The following TAS1R1 variants were observed in gnomAD, a reference collection of about 807,000 sequenced individuals.
TAS1R1 encodes the protein taste receptor type 1 member 1.
Under a neutral mutation model 45.8 loss-of-function variants are expected in TAS1R1, and 31 were observed. The observed-to-expected ratio is 0.68, with a 90% CI of 0.51 to 0.91. The LOEUF is 0.91. Ranked by LOEUF, TAS1R1 falls within the 40% of genes least tolerant of loss-of-function variation. The probability of loss-of-function intolerance (pLI) is 0.00; values close to 1 mark genes in which losing one functional copy is unlikely to be tolerated. For synonymous variants in TAS1R1, 437 were observed against 448.4 expected, an observed-to-expected ratio of 0.97 and a Z score of 0.32; for missense variants, 1,051 against 1,063.9, an observed-to-expected ratio of 0.99 and a Z score of 0.17.
intron 1 of TAS1R1, among the ~76,000 whole-genome samples, chr1:6,558,004 A>G (rs1639714383): frequency 6.6e-6 from 1 of 151,936 alleles, no homozygotes; most frequent in Non-Finnish European, 1.5e-5. Flanking sequence ...GAGAAGCACT[A>G]ATTAAACAAG....
Position 6,578,893 on chromosome 1 carries a change from T to C in TAS1R1, c.1835T>C (p.Leu612Pro), listed in dbSNP as rs758852463. 7 of 1,610,312 alleles carry C rather than the reference T, an allele frequency of 4.3e-6. No individual in the cohort carries two copies. The South Asian group carries it at 5.5e-5, about 13-fold the overall frequency. Residue 612 changes from leucine (L) to proline (P), a missense_variant, in exon 6 of 6, where the codon CTG becomes CCG. By Grantham distance (98) the Leu-to-Pro change is moderately conservative. Coordinates refer to ENST00000333172, the MANE Select transcript of TAS1R1 (RefSeq NM_138697.4). ...GRLCFLMLGS[L>P]AAGSGSLYGF... ...CTGTGCTTTCTTATGCTGGGCTCCC[T>C]GGCAGCAGGTAGTGGCAGCCTCTAT...
In TAS1R1 at chr1:6,565,607, T is replaced by TTTTG. The variant is rs550930455; in HGVS notation, c.192-5290_192-5287dup. Among the ~76,000 whole-genome samples, 359 of 152,142 alleles carry TTTTG rather than the reference T, an allele frequency of 2.4e-3. 2 individuals carry two copies. The highest frequency in any genetic ancestry group is 8.5e-3 in the African/African-American group (353 of 41,514). ...GAGCAGGAGCGGTTACAAGGGCGTT[T>TTTTG]TTTGTTTGTTTGTTTTCTTTTTGGA... On this transcript the variant is annotated intron_variant, in intron 1 of 5. Transcript: ENST00000333172.
chr1:6,576,325 C>T (rs113004821), intron 3 of TAS1R1, 90 bp from the exon 4 acceptor site: 16,837 of 1,294,764 alleles, frequency 0.013, 177 homozygotes, highest in Middle Eastern at 0.05. Context: ...ACCACCAGGA[C>T]GGAAACCCAG....
In TAS1R1 at chr1:6,575,198, TCCTGGTG is replaced by T; in HGVS notation, c.1068_1074del (p.Trp357AlafsTer25). Reference sequence around the variant, plus strand: ...GGCCCCTAGGCCTTGCCACAAGGGCTCCTGGTGCAGCAGCAATCAGCTCTGCAGAGAA... The same window carrying T: ...GGCCCCTAGGCCTTGCCACAAGGGCTCAGCAGCAATCAGCTCTGCAGAGAA... On this transcript the variant is annotated frameshift_variant, in exon 3 of 6. Transcript: ENST00000333172. LOFTEE classifies it high-confidence loss of function. 1 of 1,611,400 alleles carries T rather than the reference TCCTGGTG, an allele frequency of 6.2e-7. No homozygotes were observed.
intron 4 of TAS1R1, 70 bp downstream of exon 4, chr1:6,576,697 C>G (rs1347427967): frequency 6.4e-7 from 1 of 1,567,398 alleles, no homozygotes; most frequent in African/African-American, 1.3e-5. Context: ...GTGATGCTGA[C>G]ACAGTGTACA....
At position 6,576,947 on chromosome 1, in the gene TAS1R1, C is replaced by G; in HGVS notation, c.1474-3C>G. On this transcript the variant is annotated splice_region_variant and splice_polypyrimidine_tract_variant and intron_variant, in intron 4 of 5. Coordinates refer to ENST00000333172, the MANE Select transcript of TAS1R1 (RefSeq NM_138697.4). ...TACGTGTGGCCCCTCTGGCTTCTTA[C>G]AGGTGCCTAAGTCTGTGTGTTCCAG... 1.9e-6 allele frequency: 3 copies of G among 1,614,254 alleles called. No individual in the cohort carries two copies. Among genetic ancestry groups the G allele is most frequent in the Non-Finnish European group, 2.5e-6 (3 of 1,180,036 alleles).
chr1:6,562,845 A>C (rs181735076), intron 1 of TAS1R1, among the ~76,000 whole-genome samples: 216 of 152,316 alleles, frequency 1.4e-3, no homozygotes, highest in African/African-American at 4.9e-3. Flanking sequence ...GGTTATGTAT[A>C]TTGAAAAAGC....
At chr1:6,560,126 C>G (rs1017489810) in intron 1 of TAS1R1, among the ~76,000 whole-genome samples, 10 of 151,960 alleles carry the variant, frequency 6.6e-5, no homozygotes, top group Non-Finnish European at 1.5e-4. Flanking sequence ...GAGAAACCCC[C>G]CTCTCTACTA....
chr1:6,574,689 T>C lies in TAS1R1; in HGVS notation c.557T>C (p.Leu186Pro). 4 of 1,614,184 alleles carry C rather than the reference T, an allele frequency of 2.5e-6. No homozygotes were observed. In the South Asian group the frequency reaches 4.4e-5, roughly 18 times the overall value. ...GTGAAGCGGCAGTATCCCTCTTTCC[T>C]GCGCACCATCCCCAATGACAAGTAC... ...LSVKRQYPSF[L>P]RTIPNDKYQV... The change falls in exon 3 of 6, where the codon CTG becomes CCG. Residue 186 changes from leucine (L) to proline (P), a missense_variant. Leu to Pro is a moderately conservative substitution (Grantham distance 98, BLOSUM62 -3). Transcript: ENST00000333172. The surrounding 1 kb of genome is among the most constrained non-coding windows in gnomAD (Gnocchi z 4.3).
intron 1 of TAS1R1, among the ~76,000 whole-genome samples, chr1:6,556,582 G>A (rs983870785): frequency 6.6e-6 from 1 of 151,730 alleles, no homozygotes; most frequent in African/African-American, 2.4e-5. Flanking sequence ...TGTATTTTTC[G>A]TAGAGACAGG....
rs1640281570 is a variant in TAS1R1 at position 6,578,974 on chromosome 1, C to A, written c.1916C>A (p.Ala639Asp). ...PACLLRQALFALGFTIFLSCL... is the reference protein window; with the variant it reads ...PACLLRQALFDLGFTIFLSCL... ...TGCTTGCTACGCCAGGCCCTCTTTG[C>A]CCTTGGTTTCACCATCTTCCTGTCC... Residue 639 changes from alanine to aspartate, a missense_variant, in exon 6 of 6, where the codon GCC becomes GAC. Coordinates refer to ENST00000333172, the MANE Select transcript of TAS1R1 (RefSeq NM_138697.4). The A allele has an allele frequency of 3.1e-6, 5 of 1,614,148 alleles. No homozygotes were observed. In the East Asian group the frequency reaches 8.9e-5, roughly 29 times the overall value.
chr1:6,575,138 G>A lies in TAS1R1; in HGVS notation c.1006G>A (p.Ala336Thr). The part of the protein sequence containing the change: ...IQKRAVPGLK[A>T]FEEAYARADK... ...GAAGAGGGCTGTCCCTGGCCTGAAGGCGTTTGAAGAAGCCTATGCCCGGGC... is the reference window on the plus strand; with the variant it reads ...GAAGAGGGCTGTCCCTGGCCTGAAGACGTTTGAAGAAGCCTATGCCCGGGC... The change falls in exon 3 of 6, where the codon GCG becomes ACG. Residue 336 changes from alanine (A) to threonine (T), a missense_variant. By Grantham distance (58) the Ala-to-Thr change is moderately conservative. Coordinates refer to ENST00000333172, the MANE Select transcript of TAS1R1 (RefSeq NM_138697.4). The A allele has an allele frequency of 6.3e-7, 1 of 1,584,578 alleles. No homozygotes were observed. The highest frequency in any genetic ancestry group is 1.2e-5 in the South Asian group (1 of 85,926).
intron 2 of TAS1R1, among the ~76,000 whole-genome samples, chr1:6,572,046 G>A (rs531450022): frequency 5.9e-5 from 9 of 152,088 alleles, no homozygotes; most frequent in African/African-American, 1.9e-4. Flanking sequence ...TTCCTGCCTG[G>A]CCTGTGGTTG....
At chr1:6,577,242 G>A (rs1380370540) in intron 5 of TAS1R1, among the ~76,000 whole-genome samples, 172 bp downstream of exon 5, 1 of 152,260 alleles carries the variant, frequency 6.6e-6, no homozygotes, top group Non-Finnish European at 1.5e-5. Flanking sequence ...TTCTGATCAA[G>A]AGAATCAGCC....
Position 6,555,445 on chromosome 1 carries a change from T to C in TAS1R1, c.72T>C (p.His24=). The C allele has an allele frequency of 6.2e-7, 1 of 1,607,824 alleles. No homozygotes were observed. The highest frequency in any genetic ancestry group is 1.1e-5 in the South Asian group (1 of 89,732). Residue 24 remains histidine, a synonymous_variant, in exon 1 of 6, where the codon CAT becomes CAC. Transcript: ENST00000333172. ...CCTGCTGCTGGGCCTTTGCCTGCCATAGCACGGAGTCTTCTCCTGACTTCA... is the reference window on the plus strand; with the variant it reads ...CCTGCTGCTGGGCCTTTGCCTGCCACAGCACGGAGTCTTCTCCTGACTTCA... ...LISCCWAFAC[H]STESSPDFTL...
intron 1 of TAS1R1, among the ~76,000 whole-genome samples, chr1:6,558,328 C>CGTGGT (rs1639722750): frequency 6.6e-6 from 1 of 152,078 alleles, no homozygotes; most frequent in South Asian, 2.1e-4. Flanking sequence ...AGGTGTGAGC[C>CGTGGT]GTGGTGGTGA....
chr1:6,561,574 T>C (rs1365271700), intron 1 of TAS1R1, among the ~76,000 whole-genome samples: 2 of 151,970 alleles, frequency 1.3e-5, no homozygotes, highest in East Asian at 3.9e-4. Flanking sequence ...TAGCTGGACA[T>C]GGTGGTGGGC....
In TAS1R1 at chr1:6,559,998, C is replaced by CA. The variant is rs58759461; in HGVS notation, c.191+4453dup. On this transcript the variant is annotated intron_variant, in intron 1 of 5. Coordinates refer to ENST00000333172, the MANE Select transcript of TAS1R1 (RefSeq NM_138697.4). ...AGGCAACAAGAGTGAAACTCTGTCT[C>CA]AAAAAAAAAAAAAAAAAAAGCCGGG... 4.6e-3 allele frequency among the ~76,000 whole-genome samples: 450 copies of CA among 97,824 alleles called. 4 individuals carry two copies. The highest frequency in any genetic ancestry group is 0.014 in the Middle Eastern group (2 of 146). The allele number at this position is 97,824 out of a possible 152,430, so 64.2% of individuals were successfully genotyped here.
rs764405114 is a variant in TAS1R1 at position 6,574,991 on chromosome 1, G to A, written c.859G>A (p.Val287Met). 21 of 1,598,846 alleles carry A rather than the reference G, an allele frequency of 1.3e-5. No homozygotes were observed. The highest frequency in any genetic ancestry group is 1.7e-4 in the Middle Eastern group (1 of 6,008). ...GTTGGCCAGGGTGTTTTTCGAGTCC[G>A]TGGTGCTGACCAACCTGACTGGCAA... ...RQLARVFFES[V>M]VLTNLTGKVW... Residue 287 changes from valine (V) to methionine (M), a missense_variant, in exon 3 of 6, where the codon GTG (valine) becomes ATG (methionine). Val to Met is a conservative substitution (Grantham distance 21). Coordinates refer to ENST00000333172, the MANE Select transcript of TAS1R1 (RefSeq NM_138697.4). The surrounding 1 kb of genome is among the most constrained non-coding windows in gnomAD (Gnocchi z 4.3).
Sources: allele counts gnomAD v4.1 joint callset (sites outside exome capture counted in the v4.1 genomes callset), GRCh38; gene constraint gnomAD v4.1.1; non-coding constraint Gnocchi (gnomAD v3.1); transcripts MANE v1.5; gene names NCBI Gene and HGNC (gene_info 2026-07-23, HGNC 2026-07-21).